The following RAB11FIP5 variants were observed in gnomAD, a reference collection of about 807,000 sequenced individuals.
The protein encoded by RAB11FIP5 is rab11 family-interacting protein 5.
In RAB11FIP5, 48 loss-of-function variants were observed where a neutral mutation model predicts 85.1. The ratio of observed to expected loss-of-function variants is 0.56; its 90% CI spans 0.45 to 0.72. The LOEUF (loss-of-function observed/expected upper bound fraction) is 0.72, where lower values mean the gene tolerates loss of function less well. RAB11FIP5 is among the 30% of genes least tolerant of loss of function. The probability of loss-of-function intolerance (pLI) is 0.00; values close to 1 mark genes in which losing one functional copy is unlikely to be tolerated. For missense variants in RAB11FIP5, 1,491 were observed against 1,687.0 expected (o/e 0.88, Z 2.04); for synonymous variants, 729 against 727.3 (o/e 1.00, Z -0.04).
At position 73,088,258 on chromosome 2, in the gene RAB11FIP5, G is replaced by A. The variant is rs763017426; in HGVS notation, c.1360C>T (p.Arg454Trp). The A allele has an allele frequency of 1.4e-5, 23 of 1,613,758 alleles. No individual in the cohort carries two copies. The highest frequency in any genetic ancestry group is 6.7e-5 in the East Asian group (3 of 44,882). ...SEAVAEKEGA[R>W]KEERKPRMGL... ...ATCCGGGGCTTGCGTTCCTCCTTCCGGGCTCCCTCCTTCTCTGCCACAGCC... is the reference window on the plus strand; with the variant it reads ...ATCCGGGGCTTGCGTTCCTCCTTCCAGGCTCCCTCCTTCTCTGCCACAGCC... The change falls in exon 3 of 6, where the codon CGG becomes TGG. Residue 454 changes from arginine (R) to tryptophan (W), a missense_variant. Transcript: ENST00000486777.
chr2:73,093,334 C>T (rs1203596897), intron 1 of RAB11FIP5, among the ~76,000 whole-genome samples: 1 of 152,168 alleles, frequency 6.6e-6, no homozygotes, highest in Non-Finnish European at 1.5e-5. Flanking sequence ...CAGGCATACA[C>T]ACTCTGAACC....
intron 1 of RAB11FIP5, among the ~76,000 whole-genome samples, chr2:73,110,478 T>A (rs1021845984): frequency 7.8e-6 from 1 of 129,026 alleles, no homozygotes; most frequent in Non-Finnish European, 1.6e-5. Flanking sequence ...CCCACTCCTG[T>A]TCCCCCCCCG....
intron 1 of RAB11FIP5, among the ~76,000 whole-genome samples, chr2:73,100,066 A>G (rs1684398997): frequency 6.6e-6 from 1 of 152,202 alleles, no homozygotes; most frequent in Admixed American, 6.5e-5. Flanking sequence ...CAATGTGAAG[A>G]GGAAGAAATA....
chr2:73,094,784 C>T (rs776427557), intron 1 of RAB11FIP5, among the ~76,000 whole-genome samples: 4 of 152,320 alleles, frequency 2.6e-5, no homozygotes, highest in Middle Eastern at 6.8e-3. Context: ...CCCGAGGACA[C>T]GCTGCTTCTG....
chr2:73,108,012 T>G (rs1161462654), intron 1 of RAB11FIP5, among the ~76,000 whole-genome samples: 2 of 152,186 alleles, frequency 1.3e-5, no homozygotes, highest in African/African-American at 4.8e-5. Context: ...GCTAATGGGA[T>G]GCATGTCCCC....
intron 1 of RAB11FIP5, among the ~76,000 whole-genome samples, chr2:73,111,635 CAT>C (rs1684657219): frequency 1.3e-5 from 2 of 152,234 alleles, no homozygotes; most frequent in Admixed American, 1.3e-4. Context: ...GTTCATTAAC[CAT>C]GCCGCTGCCT....
chr2:73,112,208 C>G, intron 1 of RAB11FIP5, 139 bp downstream of exon 1: 1 of 1,059,868 alleles, frequency 9.4e-7, no homozygotes, highest in African/African-American at 1.7e-5. Context: ...ATGCGAAGAA[C>G]CAACGTTTCT....
At chr2:73,084,413 C>T in intron 3 of RAB11FIP5, 1 of 152,132 alleles carries the variant, frequency 6.6e-6, no homozygotes, top group East Asian at 1.9e-4. Flanking sequence ...CCTCTGCATC[C>T]TAGAACCTAC....
rs995109508 is a variant in RAB11FIP5, at chr2:73,086,369, G to C, written c.1568+1681C>G. Among the ~76,000 whole-genome samples the C allele has an allele frequency of 1.3e-5, 2 of 152,156 alleles. No individual in the cohort carries two copies. Among genetic ancestry groups the C allele is most frequent in the Non-Finnish European group, 2.9e-5 (2 of 68,020 alleles). On this transcript the variant is annotated intron_variant, in intron 3 of 5. Transcript: ENST00000486777. This position sits in a 1 kb window ranked among gnomAD's most constrained non-coding sequence, Gnocchi z 4.4. ...ACCCAAATCCTCCAGATTCCAAGAG[G>C]CCATTAGGAGATATGGGGAAGCAGG... is the stretch of plus-strand genomic sequence containing the variant.
chr2:73,107,865 C>T (rs1335877107), intron 1 of RAB11FIP5, among the ~76,000 whole-genome samples: 3 of 152,126 alleles, frequency 2.0e-5, no homozygotes, highest in Admixed American at 1.3e-4. Flanking sequence ...AGCTGTTTCC[C>T]GAGGGGCAGA....
Position 73,080,970 on chromosome 2 carries a change from T to C in RAB11FIP5, c.2262A>G (p.Ser754=). The part of the protein sequence containing the change: ...GSVGAGLPSS[S]AQLQLRASGS... ...CTGAGGCTCTCAGCTGTAGCTGGGC[T>C]GACGAGGAGGGCAGGCCAGCCCCTA... The change falls in exon 4 of 6, where the codon TCA becomes TCG. Residue 754 remains serine (S), a synonymous_variant. Coordinates refer to ENST00000486777, the MANE Select transcript of RAB11FIP5 (RefSeq NM_001371272.1). 2 of 1,232,330 alleles carry C rather than the reference T, an allele frequency of 1.6e-6. No homozygotes were observed. The highest frequency in any genetic ancestry group is 2.0e-6 in the Non-Finnish European group (2 of 988,084). The allele number at this position is 1,232,330 out of a possible 1,614,324, so 76.3% of individuals were successfully genotyped here.
chr2:73,112,222 G>A (rs1323317315), intron 1 of RAB11FIP5, 125 bp downstream of exon 1: 3 of 1,136,050 alleles, frequency 2.6e-6, no homozygotes, highest in Non-Finnish European at 3.5e-6. Context: ...CGTTTCTGTC[G>A]GTTTACGCCC....
At chr2:73,098,484 A>C (rs1684366645) in intron 1 of RAB11FIP5, among the ~76,000 whole-genome samples, 1 of 152,242 alleles carries the variant, frequency 6.6e-6, no homozygotes, top group African/African-American at 2.4e-5. Context: ...GGAAACGCAC[A>C]CGAGCATCGG....
In RAB11FIP5 at chr2:73,112,924, C is replaced by A; in HGVS notation, c.-147G>T. The A allele has an allele frequency of 8.3e-6, 5 of 600,006 alleles. No individual in the cohort carries two copies. The highest frequency in any genetic ancestry group is 5.0e-5 in the Admixed American group (1 of 19,914). 37.2% of individuals were successfully genotyped at this position (600,006 alleles called of 1,614,324 possible). The stretch of plus-strand genomic sequence containing the variant: ...GGGCTGGGCCGGGCCGACCGGCCGC[C>A]GCCTCCCCGCCTCACCGGGCCGCTG... On this transcript the variant is annotated 5_prime_UTR_variant, in exon 1 of 6. Transcript: ENST00000486777.
At chr2:73,103,045 T>C (rs1281312518) in intron 1 of RAB11FIP5, among the ~76,000 whole-genome samples, 3 of 152,190 alleles carry the variant, frequency 2.0e-5, no homozygotes, top group African/African-American at 7.2e-5. Flanking sequence ...CACAGCAGCC[T>C]GCCTCACACA....
At chr2:73,110,742 C>CA (rs1684639863) in intron 1 of RAB11FIP5, among the ~76,000 whole-genome samples, 1 of 152,102 alleles carries the variant, frequency 6.6e-6, no homozygotes, top group Non-Finnish European at 1.5e-5. Context: ...AAAAAACAAT[C>CA]AAAGAAGCTG....
At chr2:73,101,098 G>A (rs943077442) in intron 1 of RAB11FIP5, among the ~76,000 whole-genome samples, 1 of 152,168 alleles carries the variant, frequency 6.6e-6, no homozygotes, top group African/African-American at 2.4e-5. Flanking sequence ...CGCTGAGGGT[G>A]GACTGCAGGC....
chr2:73,101,463 G>C (rs902697491), intron 1 of RAB11FIP5, among the ~76,000 whole-genome samples: 5 of 152,164 alleles, frequency 3.3e-5, no homozygotes, highest in African/African-American at 1.2e-4. Flanking sequence ...TGTTGATTTT[G>C]TGTGAGGATG....
chr2:73,088,383 ACTTTAG>A lies in RAB11FIP5; in HGVS notation c.1229_1234del (p.Ala410_Lys411del), dbSNP rs1178769221. ...AGGGTGGCTGGCCCCAGGGGCCAGG[ACTTTAG>A]CCTGAGCACTCAGCTCCTCCTGTCC... On this transcript the variant is annotated inframe_deletion, in exon 3 of 6. Coordinates refer to ENST00000486777, the MANE Select transcript of RAB11FIP5 (RefSeq NM_001371272.1). 7 of 1,613,400 alleles carry A rather than the reference ACTTTAG, an allele frequency of 4.3e-6. No individual in the cohort carries two copies. Among genetic ancestry groups the A allele is most frequent in the Non-Finnish European group, 5.9e-6 (7 of 1,179,974 alleles).
Sources: allele counts gnomAD v4.1 joint callset (sites outside exome capture counted in the v4.1 genomes callset), GRCh38; gene constraint gnomAD v4.1.1; non-coding constraint Gnocchi (gnomAD v3.1); transcripts MANE v1.5; gene names NCBI Gene and HGNC (gene_info 2026-07-23, HGNC 2026-07-21).